PDE4D: variants seen among roughly 807,000 people sequenced by gnomAD.
The protein encoded by PDE4D is phosphodiesterase 4D.
A neutral mutation model predicts 87.4 loss-of-function variants in PDE4D; 24 were observed. The observed-to-expected ratio is 0.27, with a 90% CI of 0.20 to 0.39. The LOEUF (loss-of-function observed/expected upper bound fraction) is 0.39, where lower values mean the gene tolerates loss of function less well. Among genes scored for constraint, PDE4D ranks in the 10% least tolerant of loss-of-function variants. The probability of loss-of-function intolerance (pLI) is 1.00; values close to 1 mark genes in which losing one functional copy is unlikely to be tolerated. For synonymous variants in PDE4D, 384 were observed against 383.2 expected, an observed-to-expected ratio of 1.00 and a Z score of -0.02; for missense variants, 714 against 1,041.0, an observed-to-expected ratio of 0.69 and a Z score of 4.32.
chr5:59,509,638 T>A (rs150909376), intron 1 of PDE4D, among the ~76,000 whole-genome samples: 13 of 151,092 alleles, frequency 8.6e-5, no homozygotes, highest in African/African-American at 3.1e-4. Context: ...ATTTGGAAAA[T>A]TTTTTAGGGT....
At chr5:59,316,549 G>T (rs1220988625) in intron 1 of PDE4D, among the ~76,000 whole-genome samples, 3 of 152,056 alleles carry the variant, frequency 2.0e-5, no homozygotes, top group Admixed American at 6.6e-5. Context: ...TCTTGCTGTT[G>T]ATTTATATAT....
intron 1 of PDE4D, among the ~76,000 whole-genome samples, chr5:59,696,484 T>C (rs1400902433): frequency 2.0e-5 from 3 of 152,130 alleles, no homozygotes; most frequent in Non-Finnish European, 4.4e-5. Context: ...ACAAGTGCTA[T>C]GAAATTCATT....
intron 1 of PDE4D, among the ~76,000 whole-genome samples, chr5:59,858,718 T>C (rs1265911571): frequency 1.3e-5 from 2 of 152,150 alleles, no homozygotes; most frequent in Admixed American, 6.5e-5. Flanking sequence ...AAATAATAAA[T>C]AATTTCTTGT....
At chr5:59,728,434 T>C (rs1756911595) in intron 1 of PDE4D, among the ~76,000 whole-genome samples, 1 of 152,124 alleles carries the variant, frequency 6.6e-6, no homozygotes, top group South Asian at 2.1e-4. Context: ...CATTCTACCC[T>C]GACGTTGTTC....
chr5:59,266,471 T>C (rs1351407835), intron 1 of PDE4D, among the ~76,000 whole-genome samples: 2 of 151,946 alleles, frequency 1.3e-5, no homozygotes, highest in African/African-American at 2.4e-5. Context: ...AAAGGTTTTA[T>C]GGTGCTACTA....
intron 2 of PDE4D, among the ~76,000 whole-genome samples, chr5:60,107,107 C>T (rs1435539389): frequency 6.6e-6 from 1 of 151,978 alleles, no homozygotes; most frequent in East Asian, 1.9e-4. Flanking sequence ...TGATAGACCG[C>T]TAGCAAGACT....
intron 1 of PDE4D, among the ~76,000 whole-genome samples, chr5:59,792,402 C>CTGTGTGTGTA (rs1554085379): frequency 7.2e-6 from 1 of 138,776 alleles, no homozygotes; most frequent in Non-Finnish European, 1.5e-5. Context: ...CTCCAAGAAG[C>CTGTGTGTGTA]TGTGTGTGTG....
At chr5:60,460,135 C>G (rs1165940379) in intron 1 of PDE4D, 1 of 1,600,692 alleles carries the variant, frequency 6.2e-7, no homozygotes, top group Non-Finnish European at 8.5e-7. Flanking sequence ...CTCATGCTGC[C>G]TCTTCCTGCT....
At chr5:60,422,059 T>C (rs1218493053) in intron 1 of PDE4D, among the ~76,000 whole-genome samples, 1 of 152,174 alleles carries the variant, frequency 6.6e-6, no homozygotes, top group Non-Finnish European at 1.5e-5. Flanking sequence ...AGACCAAATC[T>C]ACGTCTGATT....
intron 2 of PDE4D, among the ~76,000 whole-genome samples, chr5:60,185,174 C>G (rs1784683509): frequency 6.6e-6 from 1 of 152,082 alleles, no homozygotes; most frequent in Admixed American, 6.5e-5. Context: ...GTTGAAGTAA[C>G]TAATAACATA....
intron 1 of PDE4D, among the ~76,000 whole-genome samples, chr5:59,352,419 G>A (rs1004242628): frequency 6.6e-6 from 1 of 152,148 alleles, no homozygotes; most frequent in African/African-American, 2.4e-5. Flanking sequence ...CTTGGGGTAT[G>A]CAGAAAGTTA....
At chr5:60,081,781 C>T (rs1304543305) in intron 2 of PDE4D, among the ~76,000 whole-genome samples, 1 of 151,738 alleles carries the variant, frequency 6.6e-6, no homozygotes, top group Non-Finnish European at 1.5e-5. Context: ...TCAATCTCTT[C>T]TGGCTTGTGG....
intron 1 of PDE4D, among the ~76,000 whole-genome samples, chr5:59,649,931 T>TTTTTTTTTTTTTTTTTTTTTTTTTC (rs1474090994): frequency 7.1e-6 from 1 of 141,262 alleles, no homozygotes; most frequent in African/African-American, 2.6e-5. Flanking sequence ...TTTTTTTTTT[T>TTTTTTTTTTTTTTTTTTTTTTTTTC]TAGCAATGAC....
chr5:59,097,086 T>C (rs1769868575), intron 5 of PDE4D, among the ~76,000 whole-genome samples: 1 of 152,142 alleles, frequency 6.6e-6, no homozygotes, highest in African/African-American at 2.4e-5. Flanking sequence ...CAAAATAAAT[T>C]TCTTAAAAGC....
chr5:60,304,651 CA>C (rs70975379), intron 1 of PDE4D, among the ~76,000 whole-genome samples: 4,564 of 60,176 alleles, frequency 0.076, 45 homozygotes, highest in African/African-American at 0.13. Context: ...GACTCCGTCT[CA>C]AAAAAAAAAA....
intron 1 of PDE4D, among the ~76,000 whole-genome samples, chr5:59,695,939 C>T (rs927904005): frequency 2.6e-5 from 4 of 152,084 alleles, no homozygotes; most frequent in Non-Finnish European, 5.9e-5. Flanking sequence ...GATTTCAACT[C>T]ATATTATCTG....
chr5:60,187,884 CT>C (rs1784906845), intron 1 of PDE4D, among the ~76,000 whole-genome samples: 1 of 152,042 alleles, frequency 6.6e-6, no homozygotes, highest in South Asian at 2.1e-4. Context: ...TTTATCTGAA[CT>C]TTTTCCAGAT....
intron 1 of PDE4D, among the ~76,000 whole-genome samples, chr5:59,412,786 C>T (rs1008673079): frequency 2.6e-5 from 4 of 152,142 alleles, no homozygotes; most frequent in African/African-American, 9.7e-5. Flanking sequence ...ATATGGGAAA[C>T]TATTTTGGTC....
At chr5:59,706,091 G>A (rs1753363360) in intron 1 of PDE4D, among the ~76,000 whole-genome samples, 1 of 152,082 alleles carries the variant, frequency 6.6e-6, no homozygotes, top group African/African-American at 2.4e-5. Flanking sequence ...ATGTTTTCAA[G>A]AATGACAAAA....
Sources: gnomAD v4.1 joint callset for allele counts (sites outside exome capture counted in the v4.1 genomes callset) on GRCh38, gnomAD v4.1.1 for gene constraint, MANE v1.5 for transcripts, NCBI Gene and HGNC (gene_info 2026-07-23, HGNC 2026-07-21) for gene names.